ARHGAP10: variants seen among roughly 807,000 people sequenced by gnomAD.
ARHGAP10 encodes the protein rho GTPase-activating protein 10.
ARHGAP10 carries 87 observed loss-of-function variants against 108.6 expected under a neutral mutation model. That is an observed-to-expected ratio of 0.80 (90% CI 0.67 to 0.96). The LOEUF is 0.96. Ranked by LOEUF, ARHGAP10 falls within the 40% of genes least tolerant of loss-of-function variation. ARHGAP10 has a pLI of 0.00. For synonymous variants in ARHGAP10, 347 were observed against 341.1 expected (o/e 1.02, Z -0.19); for missense variants, 939 against 954.5 (o/e 0.98, Z 0.21).
intron 1 of ARHGAP10, among the ~76,000 whole-genome samples, chr4:147,817,689 G>T (rs1434683470): frequency 2.0e-5 from 3 of 152,156 alleles, no homozygotes; most frequent in Non-Finnish European, 4.4e-5. Context: ...TTCAAGTCTG[G>T]AAGACTCTGA....
At chr4:147,934,331 C>G (rs930460801) in intron 13 of ARHGAP10, among the ~76,000 whole-genome samples, 4 of 152,206 alleles carry the variant, frequency 2.6e-5, no homozygotes, top group African/African-American at 9.7e-5. Flanking sequence ...GTGACCCTCC[C>G]AGGTCTTGGG....
intron 1 of ARHGAP10, among the ~76,000 whole-genome samples, chr4:147,764,037 A>G (rs1729695100): frequency 6.6e-6 from 1 of 152,122 alleles, no homozygotes; most frequent in African/African-American, 2.4e-5. Context: ...TTGGGATTAC[A>G]TGGTGAACCA....
At chr4:147,956,995 G>T (rs935818666) in intron 16 of ARHGAP10, among the ~76,000 whole-genome samples, 7 of 152,134 alleles carry the variant, frequency 4.6e-5, no homozygotes, top group African/African-American at 1.7e-4. Flanking sequence ...TAAAGAGTTT[G>T]TTGAAGGCAT....
intron 1 of ARHGAP10, among the ~76,000 whole-genome samples, chr4:147,736,882 G>C (rs1360239739): frequency 1.3e-5 from 2 of 152,154 alleles, no homozygotes; most frequent in East Asian, 3.8e-4. Context: ...GGTACTGCAG[G>C]GGGAGGCTTC....
chr4:147,804,747 CT>C (rs935443587), intron 1 of ARHGAP10, among the ~76,000 whole-genome samples: 1 of 151,902 alleles, frequency 6.6e-6, no homozygotes, highest in Non-Finnish European at 1.5e-5. Flanking sequence ...TGGTGCTGAG[CT>C]TTTTTTTATA....
chr4:148,019,820 G>A (rs1741494903), intron 18 of ARHGAP10, among the ~76,000 whole-genome samples: 1 of 151,904 alleles, frequency 6.6e-6, no homozygotes, highest in Non-Finnish European at 1.5e-5. Context: ...TTCCATAGCT[G>A]TTAAGATTTA....
At chr4:147,856,575 T>A (rs1006470818) in intron 4 of ARHGAP10, among the ~76,000 whole-genome samples, 17 of 152,212 alleles carry the variant, frequency 1.1e-4, no homozygotes, top group African/African-American at 4.1e-4. Context: ...TTAAAAATAT[T>A]GTATAAAATT....
intron 1 of ARHGAP10, chr4:147,782,750 G>A (rs947139824): frequency 1.3e-5 from 2 of 151,394 alleles, no homozygotes; most frequent in Non-Finnish European, 3.0e-5. Flanking sequence ...GAGACTTCTG[G>A]AAAATTTATG....
At chr4:147,778,294 C>T (rs992216036) in intron 1 of ARHGAP10, among the ~76,000 whole-genome samples, 20 of 152,040 alleles carry the variant, frequency 1.3e-4, no homozygotes, top group Admixed American at 6.6e-4. Context: ...CCTCATATCA[C>T]GTGGCCTAGT....
At chr4:148,011,505 C>G (rs1361943876) in intron 18 of ARHGAP10, among the ~76,000 whole-genome samples, 1 of 152,202 alleles carries the variant, frequency 6.6e-6, no homozygotes, top group Admixed American at 6.5e-5. Context: ...ACATGGCTGC[C>G]TAAGGGCTCC....
At chr4:147,885,652 C>T (rs758922164) in intron 10 of ARHGAP10, among the ~76,000 whole-genome samples, 3 of 152,170 alleles carry the variant, frequency 2.0e-5, no homozygotes, top group Non-Finnish European at 4.4e-5. Context: ...ATTTGTTATT[C>T]ACGTTTGACC....
At chr4:147,845,816 C>T (rs545881877) in intron 3 of ARHGAP10, among the ~76,000 whole-genome samples, 6 of 152,236 alleles carry the variant, frequency 3.9e-5, no homozygotes, top group South Asian at 2.1e-4. Flanking sequence ...ACTGTGAAAA[C>T]GTATGCTAGC....
intron 4 of ARHGAP10, among the ~76,000 whole-genome samples, chr4:147,849,869 C>T (rs1207366723): frequency 6.6e-6 from 1 of 152,206 alleles, no homozygotes; most frequent in Middle Eastern, 3.2e-3. Flanking sequence ...GGTTCTGCTG[C>T]ATTTTCTTAT....
intron 10 of ARHGAP10, among the ~76,000 whole-genome samples, chr4:147,886,967 G>A (rs756684313): frequency 2.0e-5 from 3 of 151,758 alleles, no homozygotes; most frequent in Non-Finnish European, 4.4e-5. Context: ...CGGAGTTTCA[G>A]TTTCACCTTG....
chr4:147,770,606 GA>G (rs1373459396), intron 1 of ARHGAP10, among the ~76,000 whole-genome samples: 3 of 151,954 alleles, frequency 2.0e-5, no homozygotes, highest in East Asian at 3.8e-4. Flanking sequence ...GTGGTGTTAT[GA>G]AAAAAAGTAA....
intron 18 of ARHGAP10, among the ~76,000 whole-genome samples, chr4:148,021,404 G>T (rs1293735300): frequency 6.6e-6 from 1 of 152,214 alleles, no homozygotes. Flanking sequence ...ATCACCAGTT[G>T]TTGGGATATA....
chr4:147,873,641 C>CAT (rs2126859113), intron 7 of ARHGAP10, among the ~76,000 whole-genome samples: 1 of 148,196 alleles, frequency 6.7e-6, no homozygotes, highest in South Asian at 2.2e-4. Flanking sequence ...GCCTGGGCCC[C>CAT]ATAATGAGAC....
intron 1 of ARHGAP10, among the ~76,000 whole-genome samples, chr4:147,788,289 A>T (rs533515244): frequency 1.3e-5 from 2 of 151,512 alleles, no homozygotes; most frequent in Non-Finnish European, 2.9e-5. Context: ...TATTAAAAAT[A>T]AAAAAAAATT....
rs146024674 is a variant in ARHGAP10, at chr4:147,857,596, G to T, written c.428G>T (p.Ser143Ile). 2 of 1,483,698 alleles carry T rather than the reference G, an allele frequency of 1.3e-6. No homozygotes were observed. The highest frequency in any genetic ancestry group is 8.9e-7 in the Non-Finnish European group (1 of 1,118,392). The allele number at this position is 1,483,698 out of a possible 1,614,324, so 91.9% of individuals were successfully genotyped here. ...KFDKETEKNY[S>I]LIDKHLNLSA... ...GACAAAGAGACAGAAAAGAATTATA[G>T]TCTAATTGATAAACATTTGAATTTA... Residue 143 changes from serine (S) to isoleucine (I), a missense_variant, in exon 5 of 23, where the codon AGT becomes ATT. Ser to Ile is a moderately radical substitution (Grantham distance 142). Coordinates refer to ENST00000336498, the MANE Select transcript of ARHGAP10 (RefSeq NM_024605.4).
Sources: gnomAD v4.1 joint callset for allele counts (sites outside exome capture counted in the v4.1 genomes callset) on GRCh38, gnomAD v4.1.1 for gene constraint, MANE v1.5 for transcripts, NCBI Gene and HGNC (gene_info 2026-07-23, HGNC 2026-07-21) for gene names.